The following TLCD3B variants were observed in gnomAD, a reference collection of about 807,000 sequenced individuals.
TLCD3B encodes TLC domain containing 3B.
A neutral mutation model predicts 23.0 loss-of-function variants in TLCD3B; 9 were observed. The ratio of observed to expected loss-of-function variants is 0.39; its 90% CI spans 0.24 to 0.68. The LOEUF (loss-of-function observed/expected upper bound fraction) is 0.68, where lower values mean the gene tolerates loss of function less well. TLCD3B is among the 30% of genes least tolerant of loss of function. TLCD3B has a pLI of 0.44. For synonymous variants in TLCD3B, 161 were observed against 161.0 expected, an observed-to-expected ratio of 1.00 and a Z score of 0.00; for missense variants, 307 against 371.8, an observed-to-expected ratio of 0.83 and a Z score of 1.43.
rs748690300 is a variant in TLCD3B at position 30,025,614 on chromosome 16, G to C, written c.540+112C>G. The C allele has an allele frequency of 4.8e-6, 7 of 1,455,610 alleles. No homozygotes were observed. Among genetic ancestry groups the C allele is most frequent in the Non-Finnish European group, 6.7e-6 (7 of 1,038,860 alleles). 90.2% of individuals were successfully genotyped at this position (1,455,610 alleles called of 1,614,324 possible). ...CAAGCACCAGGTGCTCAAAATGCACGGGGTGAGGGGGGGATGACGAAGGGG... is the reference window on the plus strand; with the variant it reads ...CAAGCACCAGGTGCTCAAAATGCACCGGGTGAGGGGGGGATGACGAAGGGG... On this transcript the variant is annotated intron_variant, in intron 4 of 4. Transcript: ENST00000380495. This position sits in a 1 kb window ranked among gnomAD's most constrained non-coding sequence, Gnocchi z 4.1.
At chr16:30,038,879 A>T (rs7190269) in intron 3 of TLCD3B, among the ~76,000 whole-genome samples, 1 of 152,040 alleles carries the variant, frequency 6.6e-6, no homozygotes, top group Non-Finnish European at 1.5e-5. Flanking sequence ...AGGTTTGGTA[A>T]CTTGTCCAAG....
chr16:30,032,149 C>T (rs1239841049), upstream of TLCD3B, among the ~76,000 whole-genome samples: 1 of 152,146 alleles, frequency 6.6e-6, no homozygotes, highest in Admixed American at 6.6e-5. Flanking sequence ...TCCTCACTGG[C>T]CCATAAGGAA....
intron 2 of TLCD3B, chr16:30,027,071 T>C: frequency 1.5e-6 from 1 of 652,042 alleles, no homozygotes; most frequent in Non-Finnish European, 2.8e-6. Context: ...CTCACCCATG[T>C]TCCTCTCTCT....
Position 30,029,646 on chromosome 16 carries a change from G to C in TLCD3B, c.126-131C>G, listed in dbSNP as rs1051130248. 3 of 793,426 alleles carry C rather than the reference G, an allele frequency of 3.8e-6. No individual in the cohort carries two copies. Among genetic ancestry groups the C allele is most frequent in the East Asian group, 5.5e-5 (2 of 36,568 alleles). 49.1% of individuals were successfully genotyped at this position (793,426 alleles called of 1,614,324 possible). A position where few individuals can be genotyped will look rare whatever the true frequency, so the allele number is the denominator to read the frequency against. ...CTCGGGCCAGTCCTTGCCTGCCTTC[G>C]CCCAAGGCTGGGCTGCCTGAGGTGT... is the stretch of plus-strand genomic sequence containing the variant. On this transcript the variant is annotated intron_variant, in intron 1 of 4. Coordinates refer to ENST00000380495, the MANE Select transcript of TLCD3B (RefSeq NM_031478.6). This position sits in a 1 kb window ranked among gnomAD's most constrained non-coding sequence, Gnocchi z 4.6.
Position 30,025,454 on chromosome 16 carries a change from T to TG in TLCD3B, c.553dup (p.His185ProfsTer113). On this transcript the variant is annotated frameshift_variant, in exon 5 of 5. Coordinates refer to ENST00000380495, the MANE Select transcript of TLCD3B (RefSeq NM_031478.6). LOFTEE classifies it low-confidence loss of function (END_TRUNC). This position sits in a 1 kb window ranked among gnomAD's most constrained non-coding sequence, Gnocchi z 4.1. ...CCCGTTCACCTTGTGCAGCAGTGTG[T>TG]GCTGCTGCTTGTACTGAGGAGACAC... 6.2e-7 allele frequency: 1 copy of TG among 1,612,222 alleles called. No homozygotes were observed. Among genetic ancestry groups the TG allele is most frequent in the Non-Finnish European group, 8.5e-7 (1 of 1,179,400 alleles).
At position 30,025,617 on chromosome 16, in the gene TLCD3B, G is replaced by A; in HGVS notation, c.540+109C>T. The A allele has an allele frequency of 6.8e-7, 1 of 1,467,532 alleles. No homozygotes were observed. The highest frequency in any genetic ancestry group is 9.5e-7 in the Non-Finnish European group (1 of 1,049,438). The allele number at this position is 1,467,532 out of a possible 1,614,324, so 90.9% of individuals were successfully genotyped here. ...GCACCAGGTGCTCAAAATGCACGGG[G>A]TGAGGGGGGGATGACGAAGGGGCTA... On this transcript the variant is annotated intron_variant, in intron 4 of 4. Coordinates refer to ENST00000380495, the MANE Select transcript of TLCD3B (RefSeq NM_031478.6). The surrounding 1 kb of genome is among the most constrained non-coding windows in gnomAD (Gnocchi z 4.1).
chr16:30,025,547 C>T lies in TLCD3B; in HGVS notation c.541-80G>A, dbSNP rs770463749. 33 of 1,572,112 alleles carry T rather than the reference C, an allele frequency of 2.1e-5. No individual in the cohort carries two copies. The highest frequency in any genetic ancestry group is 2.8e-5 in the Non-Finnish European group (32 of 1,147,692). ...GCCCTCTCCCTGCCTCCCTGCGACC[C>T]TAGCAGGCAGCTCCTCCCAAACCAG... On this transcript the variant is annotated intron_variant, in intron 4 of 4. Coordinates refer to ENST00000380495, the MANE Select transcript of TLCD3B (RefSeq NM_031478.6). This position sits in a 1 kb window ranked among gnomAD's most constrained non-coding sequence, Gnocchi z 4.1.
In TLCD3B at chr16:30,025,912, G is replaced by T; in HGVS notation, c.445-91C>A. On this transcript the variant is annotated intron_variant, in intron 3 of 4. Coordinates refer to ENST00000380495, the MANE Select transcript of TLCD3B (RefSeq NM_031478.6). The surrounding 1 kb of genome is among the most constrained non-coding windows in gnomAD (Gnocchi z 4.1). ...TTCCTCTTTCCCCTCTGTCACTTTG[G>T]GAGATGCTTGACTCTGAACATCAGA... 1 of 989,490 alleles carries T rather than the reference G, an allele frequency of 1.0e-6. No individual in the cohort carries two copies. Among genetic ancestry groups the T allele is most frequent in the African/African-American group, 1.6e-5 (1 of 63,022 alleles). The allele number at this position is 989,490 out of a possible 1,614,324, so 61.3% of individuals were successfully genotyped here.
chr16:30,037,064 G>A (rs2150990083), intron 3 of TLCD3B, among the ~76,000 whole-genome samples: 1 of 151,416 alleles, frequency 6.6e-6, no homozygotes, highest in East Asian at 1.9e-4. Context: ...CAGCCTGGGC[G>A]ACAGAGACTC....
At chr16:30,028,849 C>T (rs1206595498) in intron 2 of TLCD3B, among the ~76,000 whole-genome samples, 1 of 152,214 alleles carries the variant, frequency 6.6e-6, no homozygotes, top group African/African-American at 2.4e-5. Flanking sequence ...CCTCTCCTCC[C>T]CGTCCCCCCG....
chr16:30,039,101 CTCTTTTTTTTT>C lies in TLCD3B; in HGVS notation c.-67+1883_-67+1893del, dbSNP rs1391747997. On this transcript the variant is annotated intron_variant, in intron 3 of 6. Coordinates refer to the TLCD3B transcript ENST00000561666. ...ACTTATCCTTCTCCTCCTCCTTCCTCTCTTTTTTTTTTTTTTTTTTTTTTTTTTTTTTAGAT... is the reference window on the plus strand; with the variant it reads ...ACTTATCCTTCTCCTCCTCCTTCCTCTTTTTTTTTTTTTTTTTTTTTAGAT... Among the ~76,000 whole-genome samples, 21 of 120,894 alleles carry C rather than the reference CTCTTTTTTTTT, an allele frequency of 1.7e-4. 5 individuals are homozygous for C. The highest frequency in any genetic ancestry group is 1.3e-3 in the East Asian group (5 of 3,872). 79.3% of individuals were successfully genotyped at this position (120,894 alleles called of 152,430 possible).
chr16:30,032,521 G>T (rs1567303428), upstream of TLCD3B: 1 of 152,158 alleles, frequency 6.6e-6, no homozygotes, highest in Admixed American at 6.6e-5. Flanking sequence ...CACGGGAGGG[G>T]GAAAGGGGAT....
Position 30,026,394 on chromosome 16 carries a change from G to T in TLCD3B, c.444+215C>A, listed in dbSNP as rs117910026. ...ACCACAAATCCAAAGAGCCACAGCC[G>T]GGCATCGTCCAGCCCAGGGCCAGGC... On this transcript the variant is annotated intron_variant, in intron 3 of 4. Transcript: ENST00000380495. Among the ~76,000 whole-genome samples the T allele has an allele frequency of 4.9e-3, 746 of 152,214 alleles. 17 individuals carry two copies. The highest frequency in any genetic ancestry group is 0.031 in the Middle Eastern group (9 of 294).
chr16:30,036,432 G>C, intron 3 of TLCD3B: 2 of 1,256,116 alleles, frequency 1.6e-6, no homozygotes, highest in Non-Finnish European at 2.0e-6. Context: ...GAGGTGTGGA[G>C]CAGGCACAGG....
chr16:30,035,337 C>T (rs1322028402), upstream of TLCD3B: 1 of 1,289,594 alleles, frequency 7.8e-7, no homozygotes, highest in Admixed American at 2.3e-5. Context: ...ACACCCTCAC[C>T]CTGGTCCTCT....
chr16:30,045,693 TTG>T (rs796755671), intron 2 of TLCD3B, among the ~76,000 whole-genome samples: 27 of 139,170 alleles, frequency 1.9e-4, no homozygotes, highest in Admixed American at 5.8e-4. Context: ...TGGTGTGTGT[TTG>T]TGTGTGTGTG....
chr16:30,035,953 G>A (rs2071464474), upstream of TLCD3B, among the ~76,000 whole-genome samples: 1 of 151,986 alleles, frequency 6.6e-6, no homozygotes, highest in Non-Finnish European at 1.5e-5. Context: ...AGTAGAGACA[G>A]GACTTTACTG....
At position 30,025,476 on chromosome 16, in the gene TLCD3B, A is replaced by G. The variant is rs531520342; in HGVS notation, c.541-9T>C. On this transcript the variant is annotated splice_polypyrimidine_tract_variant and intron_variant, in intron 4 of 4. Coordinates refer to ENST00000380495, the MANE Select transcript of TLCD3B (RefSeq NM_031478.6). The surrounding 1 kb of genome is among the most constrained non-coding windows in gnomAD (Gnocchi z 4.1). ...GTGTGCTGCTGCTTGTACTGAGGAG[A>G]CACAGACACAGTGGCCACGGCAGCA... is the stretch of plus-strand genomic sequence containing the variant. 14 of 1,610,902 alleles carry G rather than the reference A, an allele frequency of 8.7e-6. No individual in the cohort carries two copies. In the Admixed American group the frequency reaches 1.8e-4, roughly 21 times the overall value.
chr16:30,026,908 A>G, intron 2 of TLCD3B, 65 bp from the exon 3 acceptor site: 1 of 1,384,352 alleles, frequency 7.2e-7, no homozygotes, highest in Non-Finnish European at 1.0e-6. Flanking sequence ...TTGGGGTCAG[A>G]TCTCAGGGGT....
Sources: allele counts gnomAD v4.1 joint callset (sites outside exome capture counted in the v4.1 genomes callset), GRCh38; gene constraint gnomAD v4.1.1; non-coding constraint Gnocchi (gnomAD v3.1); transcripts MANE v1.5; gene names NCBI Gene and HGNC (gene_info 2026-07-23, HGNC 2026-07-21).